The following DMD variants were observed in gnomAD, a reference collection of about 807,000 sequenced individuals.
The protein encoded by DMD is mutant dystrophin.
A neutral mutation model predicts 330.1 loss-of-function variants in DMD; 63 were observed. The observed-to-expected ratio is 0.19, with a 90% CI of 0.16 to 0.24. The LOEUF (loss-of-function observed/expected upper bound fraction) is 0.24, where lower values mean the gene tolerates loss of function less well. DMD is among the 10% of genes least tolerant of loss of function. The pLI is 1.00. For synonymous variants in DMD, 1,223 were observed against 959.8 expected (o/e 1.27, Z -5.07); for missense variants, 3,344 against 2,684.1 (o/e 1.25, Z -5.43).
At chrX:32,651,651 G>T (rs2060163616) in intron 9 of DMD, among the ~76,000 whole-genome samples, 1 of 110,832 alleles carries the variant, frequency 9.0e-6, no homozygotes, top group African/African-American at 3.3e-5. Context: ...GACAGCAATG[G>T]GACACAGCCC....
At chrX:32,406,661 T>G (rs2098118581) in intron 30 of DMD, among the ~76,000 whole-genome samples, 1 of 110,682 alleles carries the variant, frequency 9.0e-6, no homozygotes, top group Non-Finnish European at 1.9e-5. Context: ...TTGCCAGTAT[T>G]TTATTGAGGA....
chrX:31,314,752 G>GAGAGAGAGAGAGAA (rs1556488614), intron 62 of DMD, among the ~76,000 whole-genome samples: 4 of 100,311 alleles, frequency 4.0e-5, no homozygotes, highest in African/African-American at 1.1e-4. Context: ...CAGAGAGAGA[G>GAGAGAGAGAGAGAA]AGAGAGAGAG....
At chrX:31,896,409 C>A (rs1459205536) in intron 47 of DMD, among the ~76,000 whole-genome samples, 1 of 111,525 alleles carries the variant, frequency 9.0e-6, no homozygotes, top group African/African-American at 3.2e-5. Flanking sequence ...ACTGTATATT[C>A]TAGTATTGCA....
intron 9 of DMD, among the ~76,000 whole-genome samples, chrX:32,650,642 A>G (rs1396208353): frequency 1.8e-5 from 2 of 112,137 alleles, no homozygotes; most frequent in Non-Finnish European, 3.8e-5. Flanking sequence ...GATTTATGAG[A>G]AATTAATCCA....
intron 1 of DMD, among the ~76,000 whole-genome samples, chrX:33,310,336 T>C (rs979039364): frequency 2.7e-5 from 3 of 111,225 alleles, no homozygotes; most frequent in Non-Finnish European, 3.8e-5. Flanking sequence ...AGACTAAATA[T>C]TTTATATCAA....
At chrX:31,436,623 A>C (rs190969415) in intron 60 of DMD, among the ~76,000 whole-genome samples, 207 of 112,225 alleles carry the variant, frequency 1.8e-3, no homozygotes, top group African/African-American at 6.5e-3. Flanking sequence ...TTAGTTGTAC[A>C]AACATTGAAA....
intron 21 of DMD, among the ~76,000 whole-genome samples, chrX:32,476,016 A>AGAGGTATTTAGTTACAAT (rs1006452729): frequency 2.8e-4 from 31 of 111,343 alleles, no homozygotes; most frequent in Non-Finnish European, 4.7e-4. Flanking sequence ...AGTGAAGTAA[A>AGAGGTATTTAGTTACAAT]GAGGTATTTA....
intron 51 of DMD, among the ~76,000 whole-genome samples, chrX:31,738,179 G>T (rs983032771): frequency 2.7e-5 from 3 of 111,473 alleles, no homozygotes; most frequent in Admixed American, 1.9e-4. Context: ...ACAGTTAACA[G>T]ATACCCATAC....
intron 12 of DMD, among the ~76,000 whole-genome samples, chrX:32,600,629 A>C (rs2056103954): frequency 1.9e-5 from 2 of 106,869 alleles, no homozygotes; most frequent in Admixed American, 2.0e-4. Flanking sequence ...CACACAAAAC[A>C]CACCCCTAGA....
At chrX:32,643,968 C>T (rs933757816) in intron 11 of DMD, among the ~76,000 whole-genome samples, 164 bp downstream of exon 11, 1 of 111,790 alleles carries the variant, frequency 8.9e-6, no homozygotes, top group Non-Finnish European at 1.9e-5. Flanking sequence ...AAAGTGAAAA[C>T]CAAAATGTTA....
At chrX:32,954,649 C>T (rs192853591) in intron 2 of DMD, among the ~76,000 whole-genome samples, 5 of 111,139 alleles carry the variant, frequency 4.5e-5, no homozygotes, top group Admixed American at 3.8e-4. Context: ...AGATATAAGC[C>T]TACTAACCAT....
chrX:32,819,848 T>TAAAAAAAAAAAA (rs35344665), intron 5 of DMD, among the ~76,000 whole-genome samples: 1 of 81,017 alleles, frequency 1.2e-5, no homozygotes, highest in African/African-American at 4.3e-5. Context: ...AATGTTGGTG[T>TAAAAAAAAAAAA]AAAAAAAAAA....
chrX:31,641,401 G>T (rs1412283753), intron 54 of DMD, among the ~76,000 whole-genome samples: 1 of 108,045 alleles, frequency 9.3e-6, no homozygotes, highest in African/African-American at 3.4e-5. Flanking sequence ...CACTCGGGAG[G>T]CTGAGACAGA....
chrX:32,270,152 C>T (rs1048227921), intron 43 of DMD, among the ~76,000 whole-genome samples: 1 of 112,187 alleles, frequency 8.9e-6, no homozygotes, highest in African/African-American at 3.2e-5. Flanking sequence ...AGTCATGATG[C>T]TATTTGGAAA....
chrX:31,260,367 C>G (rs186886660), intron 63 of DMD, among the ~76,000 whole-genome samples: 57 of 112,354 alleles, frequency 5.1e-4, no homozygotes, highest in Admixed American at 3.9e-3. Context: ...TTTTCAAACC[C>G]TTATTTGTAT....
intron 59 of DMD, among the ~76,000 whole-genome samples, chrX:31,465,970 G>A (rs977788220): frequency 1.2e-4 from 13 of 112,050 alleles, no homozygotes; most frequent in African/African-American, 3.2e-4. Flanking sequence ...TTTGTTGGCC[G>A]CATAAATGTC....
intron 52 of DMD, among the ~76,000 whole-genome samples, chrX:31,716,852 CACACAT>C (rs756581006): frequency 7.2e-4 from 70 of 97,759 alleles, no homozygotes; most frequent in Admixed American, 4.4e-3. Context: ...CACACACACA[CACACAT>C]ATATATATAT....
chrX:32,421,709 C>T (rs768586860), intron 29 of DMD, among the ~76,000 whole-genome samples: 348 of 111,892 alleles, frequency 3.1e-3, no homozygotes, highest in Non-Finnish European at 4.6e-3. Flanking sequence ...ATCTTCTCAT[C>T]GTCTATAGAT....
In DMD at chrX:32,348,400, A is replaced by C; in HGVS notation, c.5448+6T>G. ...TTCATTCACACTTTTATCACAACCA[A>C]TTTACCATATCTTTATTGAAGTCTT... is the stretch of plus-strand genomic sequence containing the variant. On this transcript the variant is annotated splice_donor_region_variant and intron_variant, in intron 38 of 78. Coordinates refer to ENST00000357033, the MANE Select transcript of DMD (RefSeq NM_004006.3). The C allele has an allele frequency of 8.3e-7, 1 of 1,206,973 alleles. No homozygotes were observed.
Sources: gnomAD v4.1 joint callset for allele counts (sites outside exome capture counted in the v4.1 genomes callset) on GRCh38, gnomAD v4.1.1 for gene constraint, MANE v1.5 for transcripts, NCBI Gene and HGNC (gene_info 2026-07-23, HGNC 2026-07-21) for gene names.